The following AK2 variants were observed in gnomAD, a reference collection of about 807,000 sequenced individuals.
AK2 encodes adenylate kinase 2.
Under a neutral mutation model 24.6 loss-of-function variants are expected in AK2, and 15 were observed. The observed-to-expected ratio is 0.61, with a 90% CI of 0.41 to 0.94. The LOEUF (loss-of-function observed/expected upper bound fraction) is 0.94, where lower values mean the gene tolerates loss of function less well. Among genes scored for constraint, AK2 ranks in the 40% least tolerant of loss-of-function variants. The pLI is 0.00. For missense variants in AK2, 257 were observed against 304.1 expected, an observed-to-expected ratio of 0.85 and a Z score of 1.15; for synonymous variants, 102 against 114.0, an observed-to-expected ratio of 0.90 and a Z score of 0.67.
intron 1 of AK2, among the ~76,000 whole-genome samples, chr1:33,034,130 A>G (rs1304739541): frequency 6.6e-6 from 1 of 152,116 alleles, no homozygotes; most frequent in Non-Finnish European, 1.5e-5. Flanking sequence ...TACAATCACC[A>G]GTATTCCTAT....
chr1:33,014,993 C>A (rs554037606), intron 4 of AK2, among the ~76,000 whole-genome samples: 7 of 152,214 alleles, frequency 4.6e-5, no homozygotes, highest in Non-Finnish European at 8.8e-5. Flanking sequence ...GATCCCTGCT[C>A]ACAAGTAGTG....
intron 4 of AK2, among the ~76,000 whole-genome samples, chr1:33,017,526 AACAAATATGACTCCC>A: frequency 6.6e-6 from 1 of 152,344 alleles, no homozygotes; most frequent in East Asian, 1.9e-4. Context: ...GCCAGGCTGC[AACAAATATGACTCCC>A]ACACACTGCT....
At chr1:33,020,106 G>A in intron 4 of AK2, 1 of 1,535,366 alleles carries the variant, frequency 6.5e-7, no homozygotes. Context: ...GGCTAAAGCA[G>A]TGTTGGTCTG....
At chr1:33,027,392 GT>G (rs1402286246) in intron 1 of AK2, among the ~76,000 whole-genome samples, 1 of 152,162 alleles carries the variant, frequency 6.6e-6, no homozygotes, top group Admixed American at 6.6e-5. Flanking sequence ...CTTATGCACT[GT>G]TCCAGGTGAT....
intron 5 of AK2, among the ~76,000 whole-genome samples, chr1:33,014,040 T>C (rs1639019860): frequency 6.6e-6 from 1 of 152,148 alleles, no homozygotes; most frequent in Admixed American, 6.5e-5. Flanking sequence ...AAACAAACCA[T>C]ATAGACTCTT....
In AK2 at chr1:33,020,228, C is replaced by CACACAA. The variant is rs3222631; in HGVS notation, c.425+1138_425+1139insTTGTGT. 6.1e-4 allele frequency: 649 copies of CACACAA among 1,064,306 alleles called. 4 individuals are homozygous for CACACAA. In the African/African-American group the frequency reaches 9.7e-3, roughly 16 times the overall value. 65.9% of individuals were successfully genotyped at this position (1,064,306 alleles called of 1,614,324 possible). ...ACACACACACACACACACACACACA[C>CACACAA]AAAGTGGCTGTACTATGAGCAAATT... On this transcript the variant is annotated intron_variant, in intron 4 of 5. Coordinates refer to ENST00000672715, the MANE Select transcript of AK2 (RefSeq NM_001625.4).
intron 1 of AK2, chr1:33,031,965 C>A: frequency 1.4e-5 from 3 of 210,050 alleles, no homozygotes; most frequent in Non-Finnish European, 3.0e-5. Context: ...GATGCAAAAG[C>A]GAGTAGTTTT....
intron 1 of AK2, among the ~76,000 whole-genome samples, chr1:33,033,159 CAAAA>C (rs535373703): frequency 1.1e-5 from 1 of 88,608 alleles, no homozygotes. Flanking sequence ...GACTCTGTCT[CAAAA>C]AAAAAAAAAA....
chr1:33,028,461 G>A (rs1024278213), intron 1 of AK2, among the ~76,000 whole-genome samples: 4 of 150,820 alleles, frequency 2.7e-5, no homozygotes, highest in East Asian at 3.9e-4. Flanking sequence ...AGATCGTGCC[G>A]CTACACTCCA....
chr1:33,021,697 C>A lies in AK2; in HGVS notation c.226G>T (p.Asp76Tyr). ...TCAATGAGCTCCACTACCATTTCATCACTCACCTGGAAGTTAGGAACAAAA... is the reference window on the plus strand; with the variant it reads ...TCAATGAGCTCCACTACCATTTCATAACTCACCTGGAAGTTAGGAACAAAA... The part of the protein sequence containing the change: ...ATMDAGKLVS[D>Y]EMVVELIEKN... Residue 76 changes from aspartate to tyrosine, a missense_variant, in exon 3 of 6, where the codon GAT (aspartate) becomes TAT (tyrosine). By Grantham distance (160) the Asp-to-Tyr change is radical. Transcript: ENST00000672715. 1.2e-6 allele frequency: 2 copies of A among 1,613,034 alleles called. No homozygotes were observed. Among genetic ancestry groups the A allele is most frequent in the Non-Finnish European group, 1.7e-6 (2 of 1,178,978 alleles).
At position 33,014,561 on chromosome 1, in the gene AK2, G is replaced by A. The variant is rs200924521; in HGVS notation, c.459C>T (p.His153=). The A allele has an allele frequency of 6.8e-6, 11 of 1,612,402 alleles. No homozygotes were observed. Among genetic ancestry groups the A allele is most frequent in the East Asian group, 4.5e-5 (2 of 44,808 alleles). Residue 153 remains histidine (H), a synonymous_variant, in exon 5 of 6, where the codon CAC becomes CAT. Transcript: ENST00000672715. ...LIHPKSGRSY[H]EEFNPPKEPM... Reference sequence around the variant, plus strand: ...GCTCTTTTGGAGGGTTGAACTCCTCGTGGTAGGAACGGCCACTCTTGGGGT... The same window carrying A: ...GCTCTTTTGGAGGGTTGAACTCCTCATGGTAGGAACGGCCACTCTTGGGGT...
At chr1:33,030,467 C>T (rs769317896) in intron 1 of AK2, among the ~76,000 whole-genome samples, 33 of 151,908 alleles carry the variant, frequency 2.2e-4, no homozygotes, top group Non-Finnish European at 3.2e-4. Flanking sequence ...GGTGGGAGGA[C>T]CATTTGAGCC....
rs1323767018 is a variant in AK2, at chr1:33,010,440, G to C, written c.*2741C>G. The C allele has an allele frequency of 1.9e-6, 1 of 539,826 alleles. No individual in the cohort carries two copies. Among genetic ancestry groups the C allele is most frequent in the Admixed American group, 2.2e-5 (1 of 45,182 alleles). 33.4% of individuals were successfully genotyped at this position (539,826 alleles called of 1,614,324 possible). ...AGACAGGACAACAATTTGATTTCCT[G>C]TACTCTTGGTCTGGAACCCATGGGG... is the stretch of plus-strand genomic sequence containing the variant. On this transcript the variant is annotated 3_prime_UTR_variant, in exon 6 of 6. Transcript: ENST00000672715.
intron 1 of AK2, chr1:33,031,617 C>T (rs1030261603): frequency 2.2e-6 from 1 of 455,914 alleles, no homozygotes; most frequent in Non-Finnish European, 4.4e-6. Context: ...AAATTACTTG[C>T]TATGTAGCCT....
At chr1:33,016,424 G>T (rs978459932) in intron 4 of AK2, among the ~76,000 whole-genome samples, 2 of 151,934 alleles carry the variant, frequency 1.3e-5, no homozygotes, top group African/African-American at 4.8e-5. Flanking sequence ...TGTTAGCCAG[G>T]ATGGTCTCGA....
intron 1 of AK2, among the ~76,000 whole-genome samples, chr1:33,024,907 C>T (rs1639777665): frequency 6.6e-6 from 1 of 152,170 alleles, no homozygotes; most frequent in Non-Finnish European, 1.5e-5. Flanking sequence ...GGAAGACTTG[C>T]TGGGCATGGT....
intron 4 of AK2, among the ~76,000 whole-genome samples, chr1:33,018,431 T>G (rs946725704): frequency 2.0e-5 from 3 of 151,420 alleles, no homozygotes; most frequent in Admixed American, 6.6e-5. Flanking sequence ...ACAACAACAA[T>G]GACAACAACA....
At chr1:33,021,545 C>G in intron 3 of AK2, 48 bp downstream of exon 3, 1 of 1,606,898 alleles carries the variant, frequency 6.2e-7, no homozygotes, top group Non-Finnish European at 8.5e-7. Flanking sequence ...AGACAAAGGA[C>G]AAGAATTTGG....
chr1:33,019,956 A>G, intron 4 of AK2: 2 of 1,420,940 alleles, frequency 1.4e-6, no homozygotes, highest in Non-Finnish European at 1.8e-6. Context: ...CACCATTAAA[A>G]TGACAAAGAC....
Sources: allele counts gnomAD v4.1 joint callset (sites outside exome capture counted in the v4.1 genomes callset), GRCh38; gene constraint gnomAD v4.1.1; transcripts MANE v1.5; gene names NCBI Gene and HGNC (gene_info 2026-07-23, HGNC 2026-07-21).